Variants in SLC1A7 observed in about 807,000 individuals in gnomAD.
The protein encoded by SLC1A7 is solute carrier family 1 member 7.
SLC1A7 carries 40 observed loss-of-function variants against 47.7 expected under a neutral mutation model. That is an observed-to-expected ratio of 0.84 (90% CI 0.65 to 1.09). The LOEUF (loss-of-function observed/expected upper bound fraction) is 1.09, where lower values mean the gene tolerates loss of function less well. Ranked by LOEUF, SLC1A7 falls within the 50% of genes least tolerant of loss-of-function variation. The probability of loss-of-function intolerance (pLI) is 0.00; values close to 1 mark genes in which losing one functional copy is unlikely to be tolerated. For synonymous variants in SLC1A7, 323 were observed against 325.6 expected, an observed-to-expected ratio of 0.99 and a Z score of 0.09; for missense variants, 746 against 769.5, an observed-to-expected ratio of 0.97 and a Z score of 0.36.
Position 53,092,650 on chromosome 1 carries a change from A to C in SLC1A7, c.935T>G (p.Leu312Arg). Residue 312 changes from leucine to arginine, a missense_variant, in exon 7 of 11, where the codon CTG becomes CGG. Physicochemically the swap from Leu to Arg is moderately radical, Grantham distance 102. Transcript: ENST00000371494. Reference protein sequence around the residue: ...CGLVLHGLFILPLLYFFITKK... With the variant: ...CGLVLHGLFIRPLLYFFITKK... ...GGTGATGAAGAAGTAGAGCAGGGGCAGGATAAAGAGCCCGTGGAGCACCAG... is the reference window on the plus strand; with the variant it reads ...GGTGATGAAGAAGTAGAGCAGGGGCCGGATAAAGAGCCCGTGGAGCACCAG... The C allele has an allele frequency of 1.2e-6, 2 of 1,614,148 alleles. No individual in the cohort carries two copies. The highest frequency in any genetic ancestry group is 1.7e-6 in the Non-Finnish European group (2 of 1,179,964).
chr1:53,120,411 G>GCCC (rs1443403082), intron 2 of SLC1A7, among the ~76,000 whole-genome samples: 1 of 152,122 alleles, frequency 6.6e-6, no homozygotes, highest in East Asian at 1.9e-4. Flanking sequence ...GCTGCCGGAT[G>GCCC]CCCCTCCCCC....
In SLC1A7 at chr1:53,135,789, C is replaced by A. The variant is rs556315249; in HGVS notation, c.136-1360G>T. Among the ~76,000 whole-genome samples the A allele has an allele frequency of 2.6e-5, 4 of 152,266 alleles. No homozygotes were observed. The South Asian group carries it at 8.3e-4, about 32-fold the overall frequency. On this transcript the variant is annotated intron_variant, in intron 1 of 10. Coordinates refer to ENST00000371494, the MANE Select transcript of SLC1A7 (RefSeq NM_006671.6). ...GTTCTGCTACTTCTGGCAACCCTGGCATGGGGCCACTTTCTTCAGAGGGTG... is the reference window on the plus strand; with the variant it reads ...GTTCTGCTACTTCTGGCAACCCTGGAATGGGGCCACTTTCTTCAGAGGGTG...
intron 5 of SLC1A7, among the ~76,000 whole-genome samples, chr1:53,097,201 C>T (rs1644504822): frequency 6.6e-6 from 1 of 151,420 alleles, no homozygotes; most frequent in Non-Finnish European, 1.5e-5. Flanking sequence ...AGAACATTCA[C>T]ACACCCTGCC....
chr1:53,116,214 G>A (rs12138818), intron 2 of SLC1A7: 3,131 of 152,332 alleles, frequency 0.021, 49 homozygotes, highest in Non-Finnish European at 0.032. Context: ...GCTCGCTGGC[G>A]CAATGGCTTA....
Position 53,114,062 on chromosome 1 carries a change from G to T in SLC1A7, c.431+696C>A, listed in dbSNP as rs896587361. ...TCGTGGGTCTGACCACTCCTCCAGG[G>T]CAAGGGCTGGCTCTGAGTCCCCTGG... On this transcript the variant is annotated intron_variant, in intron 3 of 10. Transcript: ENST00000371494. Among the ~76,000 whole-genome samples, 24 of 152,176 alleles carry T rather than the reference G, an allele frequency of 1.6e-4. 2 individuals carry two copies. The highest frequency in any genetic ancestry group is 1.5e-3 in the Admixed American group (23 of 15,286).
intron 3 of SLC1A7, among the ~76,000 whole-genome samples, chr1:53,112,320 CAGCCAG>C (rs2150331081): frequency 6.6e-6 from 1 of 152,352 alleles, no homozygotes; most frequent in African/African-American, 2.4e-5. Flanking sequence ...TGAATCATCT[CAGCCAG>C]ACTCCCCTAG....
intron 6 of SLC1A7, 76 bp from the exon 7 acceptor site, chr1:53,092,863 C>G: frequency 2.1e-6 from 2 of 963,164 alleles, no homozygotes; most frequent in Non-Finnish European, 3.3e-6. Context: ...CATCGCTGCG[C>G]GGCCTTCCCC....
chr1:53,105,706 C>G (rs1644633435), intron 4 of SLC1A7, 26 bp downstream of exon 4: 1 of 1,593,360 alleles, frequency 6.3e-7, no homozygotes. Flanking sequence ...CCTTCCCTCC[C>G]CTCCACTGCC....
In SLC1A7 at chr1:53,088,992, G is replaced by A. The variant is rs1164615265; in HGVS notation, c.1362-13C>T. The A allele has an allele frequency of 4.3e-6, 7 of 1,610,396 alleles. No homozygotes were observed. Among genetic ancestry groups the A allele is most frequent in the Non-Finnish European group, 5.9e-6 (7 of 1,176,764 alleles). On this transcript the variant is annotated splice_polypyrimidine_tract_variant and intron_variant, in intron 9 of 10. Coordinates refer to ENST00000371494, the MANE Select transcript of SLC1A7 (RefSeq NM_006671.6). Reference sequence around the variant, plus strand: ...GCGGAAACGGTCCCTGGTGAGCCAAGGTTGGGGGTGAGTGGTGGGCACTTG... The same window carrying A: ...GCGGAAACGGTCCCTGGTGAGCCAAAGTTGGGGGTGAGTGGTGGGCACTTG...
At chr1:53,134,459 G>A in intron 1 of SLC1A7, 30 bp from the exon 2 acceptor site, 1 of 1,444,288 alleles carries the variant, frequency 6.9e-7, no homozygotes. Context: ...TGGGGTTATA[G>A]CAAGAGATGC....
At position 53,101,289 on chromosome 1, in the gene SLC1A7, ACCTCGGT is replaced by A. The variant is rs1557673447; in HGVS notation, c.697+2050_697+2056del. On this transcript the variant is annotated intron_variant, in intron 5 of 10. Transcript: ENST00000371494. ...CCACCTCGGTACACTCGCACACCCC[ACCTCGGT>A]ACACTCGCACACCCCACCTCGGTAC... is the stretch of plus-strand genomic sequence containing the variant. Among the ~76,000 whole-genome samples, 270 of 77,754 alleles carry A rather than the reference ACCTCGGT, an allele frequency of 3.5e-3. 3 individuals are homozygous for A. Among genetic ancestry groups the A allele is most frequent in the African/African-American group, 0.011 (216 of 19,968 alleles). The allele number at this position is 77,754 out of a possible 152,430, so 51.0% of individuals were successfully genotyped here. A position where few individuals can be genotyped will look rare whatever the true frequency, so the allele number is the denominator to read the frequency against.
At chr1:53,092,475 T>G in intron 7 of SLC1A7, 79 bp downstream of exon 7, 3 of 1,056,554 alleles carry the variant, frequency 2.8e-6, no homozygotes, top group Non-Finnish European at 4.3e-6. Context: ...TCTGTGGCTA[T>G]GAACCAATGA....
chr1:53,089,670 C>A, intron 9 of SLC1A7, 130 bp downstream of exon 9: 1 of 930,326 alleles, frequency 1.1e-6, no homozygotes, highest in South Asian at 1.6e-5. Flanking sequence ...TAGGGCACTC[C>A]CACAGTGCCA....
chr1:53,093,527 GC>G lies in SLC1A7; in HGVS notation c.730del (p.Ala244ProfsTer15). ...GCACTGGCAGAAGCTGACCAGGGGG[GC>G]CCCGCTGTCACCCATGCGGCCCAGC... ...IMLGRMGDSG[A>X]PLVSFCQCLN... On this transcript the variant is annotated frameshift_variant, in exon 6 of 11. Coordinates refer to ENST00000371494, the MANE Select transcript of SLC1A7 (RefSeq NM_006671.6). LOFTEE classifies it high-confidence loss of function. The G allele has an allele frequency of 6.2e-7, 1 of 1,608,944 alleles. No homozygotes were observed. The highest frequency in any genetic ancestry group is 8.5e-7 in the Non-Finnish European group (1 of 1,179,712).
At chr1:53,106,678 AG>A (rs1644646193) in intron 3 of SLC1A7, among the ~76,000 whole-genome samples, 1 of 152,110 alleles carries the variant, frequency 6.6e-6, no homozygotes, top group Admixed American at 6.5e-5. Flanking sequence ...GCTGTAGCCT[AG>A]AAACAGAAAC....
At chr1:53,136,760 G>T (rs1266230809) in intron 1 of SLC1A7, among the ~76,000 whole-genome samples, 1 of 149,162 alleles carries the variant, frequency 6.7e-6, no homozygotes, top group African/African-American at 2.5e-5. Context: ...TCCACCTCCT[G>T]GGCTCAAGTA....
At chr1:53,133,286 G>A (rs1372630706) in intron 2 of SLC1A7, among the ~76,000 whole-genome samples, 1 of 152,238 alleles carries the variant, frequency 6.6e-6, no homozygotes, top group African/African-American at 2.4e-5. Flanking sequence ...AGTCACTAGA[G>A]TGAGTTGAGG....
At chr1:53,091,625 C>A (rs748143846) in intron 7 of SLC1A7, among the ~76,000 whole-genome samples, 8 of 152,190 alleles carry the variant, frequency 5.3e-5, no homozygotes, top group Non-Finnish European at 5.9e-5. Context: ...GCTCCTGAAT[C>A]CTGCAGGAGG....
At chr1:53,106,453 A>C (rs1305700996) in intron 3 of SLC1A7, among the ~76,000 whole-genome samples, 2 of 151,812 alleles carry the variant, frequency 1.3e-5, no homozygotes, top group Non-Finnish European at 2.9e-5. Context: ...AAATACAAAA[A>C]ATTAGCTGGG....
Sources: gnomAD v4.1 joint callset for allele counts (sites outside exome capture counted in the v4.1 genomes callset) on GRCh38, gnomAD v4.1.1 for gene constraint, MANE v1.5 for transcripts, NCBI Gene and HGNC (gene_info 2026-07-23, HGNC 2026-07-21) for gene names.